Variants in OGT observed in about 807,000 individuals in gnomAD.
The protein encoded by OGT is UDP-N-acetylglucosamine--peptide N-acetylglucosaminyltransferase 110 kDa subunit.
In OGT, 3 loss-of-function variants were observed where a neutral mutation model predicts 75.8. The observed-to-expected ratio is 0.04, with a 90% CI of 0.02 to 0.10. OGT has a LOEUF of 0.10. OGT is among the 10% of genes least tolerant of loss of function. The pLI, the probability that OGT is intolerant of heterozygous loss-of-function variation, is 1.00. For synonymous variants in OGT, 257 were observed against 289.7 expected (o/e 0.89, Z 1.15); for missense variants, 260 against 824.4 (o/e 0.32, Z 8.38).
rs761498741 is a variant in OGT, at chrX:71,536,456, C to T, written c.218+98C>T. The T allele has an allele frequency of 1.4e-5, 10 of 717,516 alleles. No individual in the cohort carries two copies. In the Admixed American group the frequency reaches 1.9e-4, roughly 14 times the overall value. 59.1% of individuals were successfully genotyped at this position (717,516 alleles called of 1,213,427 possible). On this transcript the variant is annotated intron_variant, in intron 2 of 21. Transcript: ENST00000373719. Reference sequence around the variant, plus strand: ...TTTGAACTTGAAATTTTTCCAGTACCGGGTTTCAACTGAGCCGCCAACGCA... The same window carrying T: ...TTTGAACTTGAAATTTTTCCAGTACTGGGTTTCAACTGAGCCGCCAACGCA...
intron 14 of OGT, among the ~76,000 whole-genome samples, chrX:71,561,321 C>T (rs777885517): frequency 9.0e-6 from 1 of 110,826 alleles, no homozygotes; most frequent in South Asian, 3.9e-4. Context: ...CTCCTTCAAA[C>T]TCCTATTCGT....
At chrX:71,539,844 TTAACTC>T (rs200589449) in intron 3 of OGT, among the ~76,000 whole-genome samples, 1,293 of 112,003 alleles carry the variant, frequency 0.012, 5 homozygotes, top group Non-Finnish European at 0.02. Context: ...CTTGCCATCT[TTAACTC>T]TAATGCCCTT....
Position 71,567,980 on chromosome X carries a change from T to G in OGT, c.2843-13T>G, listed in dbSNP as rs775005632. The G allele has an allele frequency of 2.5e-6, 3 of 1,203,094 alleles. No homozygotes were observed. The highest frequency in any genetic ancestry group is 3.4e-6 in the Non-Finnish European group (3 of 892,515). ...CGTTCTCAGATGTGCAGTTGTTATC[T>G]TTTGTATTACAGGAGAGACTCTTGC... On this transcript the variant is annotated splice_polypyrimidine_tract_variant and intron_variant, in intron 20 of 21. Coordinates refer to ENST00000373719, the MANE Select transcript of OGT (RefSeq NM_181672.3).
rs1241728818 is a variant in OGT, at chrX:71,574,953, G to T, written c.*1159G>T. The T allele has an allele frequency of 6.3e-5, 7 of 111,274 alleles. No individual in the cohort carries two copies. Among genetic ancestry groups the T allele is most frequent in the Non-Finnish European group, 1.3e-4 (7 of 53,004 alleles). 9.2% of individuals were successfully genotyped at this position (111,274 alleles called of 1,213,427 possible). ...TATGTATTCAAGTAATTATTTTTTAGATAATAACTGTCTTCTGGACTTGGT... is the reference window on the plus strand; with the variant it reads ...TATGTATTCAAGTAATTATTTTTTATATAATAACTGTCTTCTGGACTTGGT... On this transcript the variant is annotated 3_prime_UTR_variant, in exon 22 of 22. Transcript: ENST00000373719.
intron 1 of OGT, among the ~76,000 whole-genome samples, chrX:71,535,721 C>G (rs1234265400): frequency 2.7e-5 from 3 of 111,658 alleles, no homozygotes; most frequent in African/African-American, 6.5e-5. Flanking sequence ...TCAACAAATC[C>G]AACCTGAAAT....
chrX:71,540,961 C>T (rs981212987), intron 3 of OGT, among the ~76,000 whole-genome samples: 10 of 112,109 alleles, frequency 8.9e-5, no homozygotes, highest in Non-Finnish European at 1.9e-4. Flanking sequence ...GCGTGAACCA[C>T]TGTGCCTGGC....
chrX:71,572,599 C>T (rs1483544172), intron 21 of OGT, among the ~76,000 whole-genome samples: 2 of 110,944 alleles, frequency 1.8e-5, no homozygotes, highest in African/African-American at 3.3e-5. Flanking sequence ...GAGACCCCAT[C>T]TCTACAAAAA....
chrX:71,557,121 A>G lies in OGT; in HGVS notation c.1320+16A>G, dbSNP rs770994744. The G allele has an allele frequency of 2.5e-6, 3 of 1,205,440 alleles. No homozygotes were observed. In the East Asian group the frequency reaches 8.9e-5, roughly 36 times the overall value. ...CATTCATAAGGTACTACTGTTTATTATAATATGTGCAGTTTAACACCTAAA... is the reference window on the plus strand; with the variant it reads ...CATTCATAAGGTACTACTGTTTATTGTAATATGTGCAGTTTAACACCTAAA... On this transcript the variant is annotated intron_variant, in intron 10 of 21. Coordinates refer to ENST00000373719, the MANE Select transcript of OGT (RefSeq NM_181672.3).
In OGT at chrX:71,555,285, T is replaced by C; in HGVS notation, c.824T>C (p.Ile275Thr). 1.7e-6 allele frequency: 2 copies of C among 1,210,916 alleles called. No homozygotes were observed. The highest frequency in any genetic ancestry group is 2.2e-6 in the Non-Finnish European group (2 of 895,134). ...LACVYYEQGL[I>T]DLAIDTYRRA... Reference sequence around the variant, plus strand: ...TGTGTATACTATGAGCAAGGCCTGATAGATCTGGCAATAGACACCTACAGG... The same window carrying C: ...TGTGTATACTATGAGCAAGGCCTGACAGATCTGGCAATAGACACCTACAGG... Residue 275 changes from isoleucine (I) to threonine (T), a missense_variant, in exon 7 of 22, where the codon ATA becomes ACA. Physicochemically the swap from Ile to Thr is moderately conservative, Grantham distance 89. This residue lies in a region of OGT where 99 missense variants were observed against 417.9 expected (regional missense o/e 0.24). Coordinates refer to ENST00000373719, the MANE Select transcript of OGT (RefSeq NM_181672.3).
rs752632292 is a variant in OGT at position 71,536,168 on chromosome X, G to A, written c.38-10G>A. The A allele has an allele frequency of 2.6e-6, 3 of 1,174,176 alleles. No homozygotes were observed. Among genetic ancestry groups the A allele is most frequent in the Non-Finnish European group, 3.4e-6 (3 of 876,506 alleles). On this transcript the variant is annotated splice_polypyrimidine_tract_variant and intron_variant, in intron 1 of 21. Coordinates refer to ENST00000373719, the MANE Select transcript of OGT (RefSeq NM_181672.3). ...CCCTCCTTCCCTCAAATGTTTTGAT[G>A]ATTCTCCAGAACCAACGAAACGTAT...
At chrX:71,564,085 A>T (rs962499579) in intron 18 of OGT, among the ~76,000 whole-genome samples, 1 of 112,312 alleles carries the variant, frequency 8.9e-6, no homozygotes. Flanking sequence ...AAGTAGCTCT[A>T]TCAAGAGAGT....
chrX:71,550,264 T>TAACAA (rs2040293701), intron 5 of OGT, among the ~76,000 whole-genome samples: 1 of 112,923 alleles, frequency 8.9e-6, no homozygotes, highest in African/African-American at 3.2e-5. Context: ...GTCCTTTTGA[T>TAACAA]GATAGCTATA....
intron 3 of OGT, among the ~76,000 whole-genome samples, chrX:71,543,772 A>G (rs1209682476): frequency 0.14 from 10,099 of 74,393 alleles, 657 homozygotes; most frequent in African/African-American, 0.32. Context: ...GTGTGTATAT[A>G]TATATATATA....
In OGT at chrX:71,555,938, T is replaced by G. The variant is rs1407117262; in HGVS notation, c.925-16T>G. On this transcript the variant is annotated splice_polypyrimidine_tract_variant and intron_variant, in intron 7 of 21. Transcript: ENST00000373719. ...TGATTCTGTACAGTTTTTGAAGACTTTGTTTTGTTTTCTAGGTTGCTGAAG... is the reference window on the plus strand; with the variant it reads ...TGATTCTGTACAGTTTTTGAAGACTGTGTTTTGTTTTCTAGGTTGCTGAAG... 1 of 1,208,542 alleles carries G rather than the reference T, an allele frequency of 8.3e-7. No homozygotes were observed. The highest frequency in any genetic ancestry group is 2.2e-5 in the Admixed American group (1 of 45,725).
chrX:71,570,314 C>T (rs2040449287), intron 21 of OGT, among the ~76,000 whole-genome samples: 1 of 111,794 alleles, frequency 8.9e-6, no homozygotes, highest in African/African-American at 3.3e-5. Flanking sequence ...GCTGGGATTA[C>T]AGGCATAAGC....
intron 2 of OGT, among the ~76,000 whole-genome samples, chrX:71,537,491 C>T (rs763214673): frequency 3.6e-5 from 4 of 110,809 alleles, no homozygotes; most frequent in East Asian, 2.8e-4. Flanking sequence ...TTAGTGGAGA[C>T]GGGGTTTCAC....
intron 5 of OGT, among the ~76,000 whole-genome samples, chrX:71,551,392 G>A (rs1331326593): frequency 1.8e-5 from 2 of 112,573 alleles, no homozygotes; most frequent in Admixed American, 9.4e-5. Flanking sequence ...AGCACTTCGG[G>A]AGGCCATGGC....
intron 5 of OGT, among the ~76,000 whole-genome samples, chrX:71,552,677 G>A (rs923524769): frequency 9.2e-6 from 1 of 109,216 alleles, no homozygotes. Context: ...GAGCCACCAC[G>A]CCCAGCTGAT....
chrX:71,543,734 ATGTGTGTG>A (rs1156448647), intron 3 of OGT, among the ~76,000 whole-genome samples: 8 of 82,432 alleles, frequency 9.7e-5, no homozygotes, highest in Non-Finnish European at 1.2e-4. Flanking sequence ...AATATTTGAG[ATGTGTGTG>A]TGTGTGTGTG....
Sources: gnomAD v4.1 joint callset for allele counts (sites outside exome capture counted in the v4.1 genomes callset) on GRCh38, gnomAD v4.1.1 for gene constraint, gnomAD v4.1.1 regional missense constraint, MANE v1.5 for transcripts, NCBI Gene and HGNC (gene_info 2026-07-23, HGNC 2026-07-21) for gene names.